The following ESR1 variants were observed in gnomAD, a reference collection of about 807,000 sequenced individuals.
ESR1 encodes the protein estrogen receptor 1.
Under a neutral mutation model 52.7 loss-of-function variants are expected in ESR1, and 12 were observed. The ratio of observed to expected loss-of-function variants is 0.23; its 90% CI spans 0.15 to 0.37. The LOEUF (loss-of-function observed/expected upper bound fraction) is 0.37, where lower values mean the gene tolerates loss of function less well. Among genes scored for constraint, ESR1 ranks in the 10% least tolerant of loss-of-function variants. The pLI is 1.00. For synonymous variants in ESR1, 305 were observed against 316.8 expected (o/e 0.96, Z 0.39); for missense variants, 584 against 779.7 (o/e 0.75, Z 2.99).
At chr6:151,770,571 A>G (rs767456909) in intron 2 of ESR1, among the ~76,000 whole-genome samples, 3 of 152,130 alleles carry the variant, frequency 2.0e-5, no homozygotes, top group Non-Finnish European at 4.4e-5. Context: ...AACTATGAAG[A>G]AGAATCTTCA....
upstream of ESR1, among the ~76,000 whole-genome samples, chr6:151,800,361 C>G (rs1424526396): frequency 2.6e-5 from 4 of 152,114 alleles, no homozygotes; most frequent in African/African-American, 9.7e-5. Context: ...CTGAAGTCAG[C>G]TCTCTGGGGG....
intron 7 of ESR1, among the ~76,000 whole-genome samples, chr6:152,096,029 A>T (rs2050583220): frequency 1.3e-5 from 2 of 152,222 alleles, no homozygotes; most frequent in Admixed American, 6.5e-5. Flanking sequence ...CTTAGTGGAT[A>T]CCATTCCCAT....
chr6:152,011,918 A>G (rs2042794955), intron 5 of ESR1, 124 bp downstream of exon 5: 2 of 1,064,888 alleles, frequency 1.9e-6, no homozygotes, highest in Non-Finnish European at 2.8e-6. Flanking sequence ...TTACTTAACA[A>G]AAGAGTGCAT....
At chr6:151,764,647 A>G (rs1198270389) in intron 2 of ESR1, among the ~76,000 whole-genome samples, 1 of 152,218 alleles carries the variant, frequency 6.6e-6, no homozygotes, top group Non-Finnish European at 1.5e-5. Flanking sequence ...TAACCATGAT[A>G]AAAACGGTTA....
chr6:152,082,253 G>T (rs1341171390), intron 6 of ESR1, among the ~76,000 whole-genome samples: 1 of 152,116 alleles, frequency 6.6e-6, no homozygotes, highest in Non-Finnish European at 1.5e-5. Context: ...ACATCAAAAA[G>T]CCTATCCACC....
chr6:151,834,461 C>T (rs1782951574), intron 1 of ESR1, among the ~76,000 whole-genome samples: 1 of 152,148 alleles, frequency 6.6e-6, no homozygotes, highest in African/African-American at 2.4e-5. Flanking sequence ...GAAAACCACA[C>T]ACTGCATGTT....
rs551722841 is a variant in ESR1, at chr6:152,057,632, T to C, written c.1236-3359T>C. 1.1e-3 allele frequency among the ~76,000 whole-genome samples: 165 copies of C among 152,032 alleles called. 6 individuals are homozygous for C. The South Asian group carries it at 0.033, about 30-fold the overall frequency. ...GCTCTGGGGTCTTCCTATCATAATA[T>C]GTCTATGATTAATAGTCAACATATG... On this transcript the variant is annotated intron_variant, in intron 5 of 7. Coordinates refer to ENST00000206249, the MANE Select transcript of ESR1 (RefSeq NM_000125.4).
At chr6:151,770,779 G>A (rs536770873) in intron 2 of ESR1, among the ~76,000 whole-genome samples, 1 of 151,920 alleles carries the variant, frequency 6.6e-6, no homozygotes, top group Non-Finnish European at 1.5e-5. Flanking sequence ...ACAATGGGAG[G>A]CACAAGGAGT....
chr6:151,709,157 G>A (rs77243591), intron 2 of ESR1, among the ~76,000 whole-genome samples: 2 of 151,038 alleles, frequency 1.3e-5, no homozygotes, highest in African/African-American at 2.4e-5. Context: ...CCCCAGCCCC[G>A]GTAACCACCA....
At chr6:152,045,203 C>A (rs529532247) in intron 5 of ESR1, among the ~76,000 whole-genome samples, 1 of 152,216 alleles carries the variant, frequency 6.6e-6, no homozygotes, top group African/African-American at 2.4e-5. Flanking sequence ...ACTACAGGGG[C>A]ATGGGAAGAA....
intron 3 of ESR1, among the ~76,000 whole-genome samples, chr6:151,881,084 C>A (rs1409500175): frequency 6.6e-6 from 1 of 152,118 alleles, no homozygotes; most frequent in Non-Finnish European, 1.5e-5. Flanking sequence ...GTAAATTATT[C>A]TAGAAATATT....
downstream of ESR1, among the ~76,000 whole-genome samples, chr6:152,103,622 G>C (rs1252817555): frequency 6.6e-6 from 1 of 152,230 alleles, no homozygotes; most frequent in African/African-American, 2.4e-5. Context: ...ATTAAACATA[G>C]TTGCTGTTTT....
chr6:151,746,698 A>G (rs1352594481), intron 2 of ESR1, among the ~76,000 whole-genome samples: 1 of 152,232 alleles, frequency 6.6e-6, no homozygotes, highest in African/African-American at 2.4e-5. Flanking sequence ...ACTTTAAAGT[A>G]TTATGAGAGA....
At chr6:151,685,486 G>C (rs78921362) in intron 1 of ESR1, among the ~76,000 whole-genome samples, 1 of 152,212 alleles carries the variant, frequency 6.6e-6, no homozygotes, top group Non-Finnish European at 1.5e-5. Flanking sequence ...CTGCTCAGAA[G>C]TACACCTTAG....
chr6:151,995,102 G>A (rs1470098513), intron 4 of ESR1, among the ~76,000 whole-genome samples: 1 of 152,136 alleles, frequency 6.6e-6, no homozygotes, highest in African/African-American at 2.4e-5. Flanking sequence ...AGCAGCCACT[G>A]TGAAGTCATG....
At chr6:152,093,972 A>G (rs1187793463) in intron 6 of ESR1, among the ~76,000 whole-genome samples, 1 of 152,180 alleles carries the variant, frequency 6.6e-6, no homozygotes, top group Non-Finnish European at 1.5e-5. Flanking sequence ...CTAGCAGGTT[A>G]GTGACTTTCT....
intron 1 of ESR1, among the ~76,000 whole-genome samples, chr6:151,701,423 G>C (rs1423952067): frequency 6.6e-6 from 1 of 151,394 alleles, no homozygotes; most frequent in Non-Finnish European, 1.5e-5. Flanking sequence ...CAGCTACTTG[G>C]GAGGCTGAGG....
intron 2 of ESR1, among the ~76,000 whole-genome samples, chr6:151,759,964 A>C (rs1337997205): frequency 6.6e-6 from 1 of 152,228 alleles, no homozygotes; most frequent in Non-Finnish European, 1.5e-5. Flanking sequence ...GTAAAAGCTT[A>C]ATCAAATTTG....
intron 4 of ESR1, among the ~76,000 whole-genome samples, chr6:151,983,131 A>G (rs1410232035): frequency 1.3e-5 from 2 of 152,142 alleles, no homozygotes; most frequent in African/African-American, 4.8e-5. Context: ...ATTGGATAGT[A>G]CAGCTTTAGA....
Sources: allele counts gnomAD v4.1 joint callset (sites outside exome capture counted in the v4.1 genomes callset), GRCh38; gene constraint gnomAD v4.1.1; transcripts MANE v1.5; gene names NCBI Gene and HGNC (gene_info 2026-07-23, HGNC 2026-07-21).